C19orf38: variants seen among roughly 807,000 people sequenced by gnomAD.
The protein encoded by C19orf38 is chromosome 19 open reading frame 38.
C19orf38 carries 14 observed loss-of-function variants against 26.6 expected under a neutral mutation model. The observed-to-expected ratio is 0.53, with a 90% confidence interval of 0.35 to 0.82. The LOEUF (loss-of-function observed/expected upper bound fraction) is 0.82. Ranked by LOEUF, C19orf38 falls within the 40% of genes least tolerant of loss-of-function variation. The pLI is 0.01. For synonymous variants in C19orf38, 132 were observed against 128.5 expected (o/e 1.03, Z -0.18); for missense variants, 261 against 299.5 (o/e 0.87, Z 0.95).
At chr19:10,859,346 GTGTATATATATA>G (rs1184555894) in intron 4 of C19orf38, among the ~76,000 whole-genome samples, 16 of 44,100 alleles carry the variant, frequency 3.6e-4, no homozygotes, top group East Asian at 2.2e-3. Context: ...GTGTGTGTGT[GTGTATATATATA>G]TATATATATA....
intron 6 of C19orf38, among the ~76,000 whole-genome samples, chr19:10,868,730 T>TGA (rs2073775640): frequency 1.3e-5 from 2 of 152,184 alleles, no homozygotes; most frequent in Admixed American, 1.3e-4. Context: ...GGTCTCGAAC[T>TGA]CCTGACCTGA....
At position 10,864,272 on chromosome 19, in the gene C19orf38, G is replaced by C. The variant is rs535868627; in HGVS notation, c.543+1065G>C. ...ACGGGGGTTTCACCATGCTGGCCAG[G>C]CTGGTCTCAAACTCCTGACCTCAGG... On this transcript the variant is annotated intron_variant, in intron 6 of 6. Transcript: ENST00000397820. Among the ~76,000 whole-genome samples the C allele has an allele frequency of 2.6e-5, 4 of 152,144 alleles. No individual in the cohort carries two copies. In the South Asian group the frequency reaches 8.3e-4, roughly 32 times the overall value.
At chr19:10,859,059 T>C (rs1599667661) in intron 4 of C19orf38, among the ~76,000 whole-genome samples, 1 of 150,406 alleles carries the variant, frequency 6.6e-6, no homozygotes, top group East Asian at 2.0e-4. Context: ...TGCCTCAGCC[T>C]CCTGAGCAGC....
At chr19:10,855,030 C>CTTTTTTTT (rs33999724) in intron 2 of C19orf38, among the ~76,000 whole-genome samples, 3 of 77,754 alleles carry the variant, frequency 3.9e-5, no homozygotes, top group African/African-American at 4.9e-5. Flanking sequence ...GATATATATT[C>CTTTTTTTT]TTTTTTTTTT....
rs1202473541 is a variant in C19orf38, at chr19:10,859,371, TATATATATATATA to T, written c.462-543_462-531del. 9.5e-3 allele frequency among the ~76,000 whole-genome samples: 444 copies of T among 46,600 alleles called. 4 individuals carry two copies. The highest frequency in any genetic ancestry group is 0.02 in the East Asian group (12 of 588). The allele number at this position is 46,600 out of a possible 152,430, so 30.6% of individuals were successfully genotyped here. On this transcript the variant is annotated intron_variant, in intron 4 of 6. Coordinates refer to ENST00000397820, the MANE Select transcript of C19orf38 (RefSeq NM_001136482.3). ...GTGTATATATATATATATATATATATATATATATATATATTTTTTTTTTTTTTTTTAGACGGAG... is the reference window on the plus strand; with the variant it reads ...GTGTATATATATATATATATATATATTTTTTTTTTTTTTTTTTAGACGGAG...
At chr19:10,867,896 G>A (rs371326312) in intron 6 of C19orf38, among the ~76,000 whole-genome samples, 1 of 151,526 alleles carries the variant, frequency 6.6e-6, no homozygotes, top group African/African-American at 2.4e-5. Context: ...CAGGTGATCC[G>A]CCCGCCTCGA....
At chr19:10,846,348 T>C (rs1335287295), upstream of C19orf38, among the ~76,000 whole-genome samples, 1 of 151,606 alleles carries the variant, frequency 6.6e-6, no homozygotes, top group Non-Finnish European at 1.5e-5. Flanking sequence ...AGGCACCCAC[T>C]ACCACATCTG....
At chr19:10,841,984 C>T in intron 1 of C19orf38, 1 of 1,610,560 alleles carries the variant, frequency 6.2e-7, no homozygotes, top group Non-Finnish European at 8.5e-7. Context: ...GGTCTTAAAT[C>T]TGGAGAAGGA....
At chr19:10,859,366 ATATATATATATATATATAT>A (rs1568337595) in intron 4 of C19orf38, among the ~76,000 whole-genome samples, 49 of 48,946 alleles carry the variant, frequency 1.0e-3, no homozygotes, top group African/African-American at 5.7e-3. Context: ...ATATATATAT[ATATATATATATATATATAT>A]TTTTTTTTTT....
intron 2 of C19orf38, among the ~76,000 whole-genome samples, chr19:10,854,285 A>G (rs1161759220): frequency 1.3e-5 from 2 of 151,116 alleles, no homozygotes; most frequent in Non-Finnish European, 3.0e-5. Context: ...GGTGGTCTTC[A>G]ACTCCTGACC....
intron 2 of C19orf38, among the ~76,000 whole-genome samples, chr19:10,852,003 A>G (rs2073578407): frequency 6.6e-6 from 1 of 151,322 alleles, no homozygotes; most frequent in Non-Finnish European, 1.5e-5. Context: ...AATACAAAAA[A>G]TAGCTGGGTG....
intron 2 of C19orf38, among the ~76,000 whole-genome samples, chr19:10,855,673 C>T (rs1296319209): frequency 1.3e-5 from 2 of 152,146 alleles, no homozygotes; most frequent in Non-Finnish European, 2.9e-5. Flanking sequence ...GGACTACAGG[C>T]ACGTGCCAGC....
intron 1 of C19orf38, chr19:10,841,966 A>G (rs1000004983): frequency 1.2e-6 from 2 of 1,610,038 alleles, no homozygotes; most frequent in African/African-American, 2.7e-5. Context: ...GCCATCTTCA[A>G]AATTTCAGGT....
intron 6 of C19orf38, among the ~76,000 whole-genome samples, chr19:10,865,920 C>T (rs959087513): frequency 3.2e-4 from 48 of 152,188 alleles, no homozygotes; most frequent in South Asian, 1.9e-3. Flanking sequence ...TCAAAAGATC[C>T]TCCAGCCTCA....
chr19:10,838,545 A>C (rs887305692), intron 1 of C19orf38, among the ~76,000 whole-genome samples: 1 of 152,328 alleles, frequency 6.6e-6, no homozygotes, highest in African/African-American at 2.4e-5. Flanking sequence ...CCCATTAAGC[A>C]GTGATTCTGA....
rs376540458 is a variant in C19orf38 at position 10,840,991 on chromosome 19, T to G, written c.-69+4221T>G. Among the ~76,000 whole-genome samples the G allele has an allele frequency of 1.2e-3, 187 of 152,280 alleles. 1 individual carries two copies. The highest frequency in any genetic ancestry group is 4.4e-3 in the African/African-American group (183 of 41,560). On this transcript the variant is annotated intron_variant, in intron 1 of 7. Coordinates refer to the C19orf38 transcript ENST00000592854. ...TGTTTATTATAGCCAACCTAGTGTA[T>G]GTGCATTTCCCAAATGATTAGTAAG...
At chr19:10,856,833 G>A (rs1019808347) in intron 3 of C19orf38, among the ~76,000 whole-genome samples, 3 of 151,988 alleles carry the variant, frequency 2.0e-5, no homozygotes, top group African/African-American at 7.3e-5. Context: ...GACTCAGTCT[G>A]TCACCCAGGC....
intron 1 of C19orf38, among the ~76,000 whole-genome samples, chr19:10,838,711 G>A (rs1048518572): frequency 1.6e-4 from 24 of 152,096 alleles, no homozygotes; most frequent in African/African-American, 5.3e-4. Flanking sequence ...CAGAAAAATG[G>A]GTTGCTGGTC....
At chr19:10,841,284 G>A (rs536339275) in intron 1 of C19orf38, among the ~76,000 whole-genome samples, 5 of 151,598 alleles carry the variant, frequency 3.3e-5, no homozygotes, top group Non-Finnish European at 5.9e-5. Context: ...CCTTGGCAAC[G>A]TAGAGAGACT....
Sources: allele counts gnomAD v4.1 joint callset (sites outside exome capture counted in the v4.1 genomes callset), GRCh38; gene constraint gnomAD v4.1.1; transcripts MANE v1.5; gene names NCBI Gene and HGNC (gene_info 2026-07-23, HGNC 2026-07-21).